Variants in GRM8 observed in about 807,000 individuals in gnomAD.
GRM8 encodes glutamate metabotropic receptor 8, also known as metabotropic glutamate receptor 8.
Under a neutral mutation model 87.2 loss-of-function variants are expected in GRM8, and 47 were observed. That is an observed-to-expected ratio of 0.54 (90% CI 0.43 to 0.69). The LOEUF is 0.69. Among genes scored for constraint, GRM8 ranks in the 30% least tolerant of loss-of-function variants. The pLI is 0.00. For missense variants in GRM8, 1,019 were observed against 1,139.2 expected (o/e 0.89, Z 1.52); for synonymous variants, 396 against 404.5 (o/e 0.98, Z 0.25).
intron 3 of GRM8, among the ~76,000 whole-genome samples, chr7:126,961,210 T>C (rs1029611941): frequency 2.6e-5 from 4 of 152,192 alleles, no homozygotes; most frequent in Non-Finnish European, 4.4e-5. Context: ...AGTGAAAGAT[T>C]TTCTGGTTCA....
intron 6 of GRM8, among the ~76,000 whole-genome samples, chr7:126,879,689 C>T (rs1460705104): frequency 2.0e-5 from 3 of 152,130 alleles, no homozygotes; most frequent in East Asian, 3.8e-4. Flanking sequence ...AGTTAAATAA[C>T]AGAAGAAAAA....
chr7:126,690,949 C>T (rs896278271), intron 7 of GRM8, among the ~76,000 whole-genome samples: 1 of 152,040 alleles, frequency 6.6e-6, no homozygotes, highest in Non-Finnish European at 1.5e-5. Context: ...GCTGATTGGT[C>T]CATGGGCAGC....
At chr7:127,202,210 C>CA (rs1795652336) in intron 2 of GRM8, among the ~76,000 whole-genome samples, 1 of 151,104 alleles carries the variant, frequency 6.6e-6, no homozygotes, top group Admixed American at 6.6e-5. Context: ...AAAAGGGTCT[C>CA]ACTCTGTCAC....
At chr7:126,777,233 G>A (rs1819577150) in intron 6 of GRM8, among the ~76,000 whole-genome samples, 1 of 152,154 alleles carries the variant, frequency 6.6e-6, no homozygotes, top group Non-Finnish European at 1.5e-5. Flanking sequence ...GGTCAGAGAA[G>A]TGAAAGGGAA....
intron 3 of GRM8, among the ~76,000 whole-genome samples, chr7:127,013,523 T>TGGGGGAG (rs1815100283): frequency 1.1e-4 from 2 of 17,576 alleles, no homozygotes; most frequent in South Asian, 1.8e-3. Context: ...CTGGTGGGGA[T>TGGGGGAG]GGGGGATGGG....
chr7:126,887,196 G>A (rs1164482086), intron 6 of GRM8, among the ~76,000 whole-genome samples: 1 of 152,102 alleles, frequency 6.6e-6, no homozygotes, highest in Non-Finnish European at 1.5e-5. Context: ...TCAGACATAG[G>A]AAAGGAAACG....
At chr7:127,113,597 T>C (rs757193348) in intron 2 of GRM8, among the ~76,000 whole-genome samples, 4 of 152,134 alleles carry the variant, frequency 2.6e-5, no homozygotes, top group Admixed American at 6.5e-5. Flanking sequence ...AATAACATCA[T>C]TGGTTTTTTC....
chr7:127,243,178 G>A lies in GRM8; in HGVS notation c.27C>T (p.Ala9=). 1 of 1,610,992 alleles carries A rather than the reference G, an allele frequency of 6.2e-7. No individual in the cohort carries two copies. The highest frequency in any genetic ancestry group is 8.5e-7 in the Non-Finnish European group (1 of 1,179,912). ...TCAAGAGGAAGAAACAAGGGCAAGAGGCTGATCGCTTTCCCTCGCATACCA... is the reference window on the plus strand; with the variant it reads ...TCAAGAGGAAGAAACAAGGGCAAGAAGCTGATCGCTTTCCCTCGCATACCA... MVCEGKRS[A]SCPCFFLLTA... Residue 9 remains alanine (A), a synonymous_variant, in exon 2 of 11, where the codon GCC becomes GCT. Transcript: ENST00000339582.
At chr7:127,156,147 G>A (rs999865055) in intron 2 of GRM8, among the ~76,000 whole-genome samples, 1 of 152,244 alleles carries the variant, frequency 6.6e-6, no homozygotes, top group Admixed American at 6.5e-5. Flanking sequence ...GTGGCAGCCA[G>A]TGTGGAGGAA....
intron 1 of GRM8, among the ~76,000 whole-genome samples, chr7:127,243,987 AG>A (rs1268496346): frequency 6.6e-6 from 1 of 152,118 alleles, no homozygotes; most frequent in Non-Finnish European, 1.5e-5. Context: ...ATTACCCAGT[AG>A]GAAAAAGTGA....
At chr7:126,665,771 A>C (rs1805692498) in intron 7 of GRM8, among the ~76,000 whole-genome samples, 1 of 151,834 alleles carries the variant, frequency 6.6e-6, no homozygotes, top group Non-Finnish European at 1.5e-5. Flanking sequence ...AAAATATAAT[A>C]TTAAATTATA....
chr7:126,905,137 T>C (rs1802548270), intron 3 of GRM8, among the ~76,000 whole-genome samples: 1 of 152,232 alleles, frequency 6.6e-6, no homozygotes, highest in South Asian at 2.1e-4. Context: ...TTAATTTCAT[T>C]GTATAGCTAA....
At chr7:126,669,788 A>C (rs1240562410) in intron 7 of GRM8, among the ~76,000 whole-genome samples, 1 of 152,244 alleles carries the variant, frequency 6.6e-6, no homozygotes, top group Non-Finnish European at 1.5e-5. Flanking sequence ...GGGGTATAAG[A>C]ACAGTAAAAT....
intron 2 of GRM8, among the ~76,000 whole-genome samples, chr7:127,160,218 C>CA (rs1300351013): frequency 1.3e-5 from 2 of 151,978 alleles, no homozygotes; most frequent in South Asian, 4.2e-4. Context: ...CCCCTCCTTG[C>CA]AAAAAAGGAG....
At chr7:127,176,694 A>C (rs1794125629) in intron 2 of GRM8, among the ~76,000 whole-genome samples, 1 of 152,242 alleles carries the variant, frequency 6.6e-6, no homozygotes, top group South Asian at 2.1e-4. Flanking sequence ...CTCTCCTCTC[A>C]CAGGGCTCCA....
chr7:127,111,462 G>A (rs1587051102), intron 2 of GRM8, among the ~76,000 whole-genome samples: 2 of 152,022 alleles, frequency 1.3e-5, no homozygotes, highest in East Asian at 3.9e-4. Flanking sequence ...GAAATGGTAA[G>A]TGAAGCTTCT....
At chr7:127,145,425 C>T (rs1401085175) in intron 2 of GRM8, among the ~76,000 whole-genome samples, 6 of 152,072 alleles carry the variant, frequency 3.9e-5, no homozygotes, top group Non-Finnish European at 8.8e-5. Context: ...GCACAGTATA[C>T]TAAAGTATTT....
At chr7:127,013,004 G>A (rs940564367) in intron 3 of GRM8, among the ~76,000 whole-genome samples, 1 of 152,156 alleles carries the variant, frequency 6.6e-6, no homozygotes, top group African/African-American at 2.4e-5. Flanking sequence ...TGGGGTCATT[G>A]AGGTCATTGC....
At chr7:126,968,321 G>A (rs948618492) in intron 3 of GRM8, among the ~76,000 whole-genome samples, 8 of 152,142 alleles carry the variant, frequency 5.3e-5, no homozygotes, top group Admixed American at 5.2e-4. Flanking sequence ...AGTCTTAACT[G>A]CAATGATTTC....
Sources: allele counts gnomAD v4.1 joint callset (sites outside exome capture counted in the v4.1 genomes callset), GRCh38; gene constraint gnomAD v4.1.1; transcripts MANE v1.5; gene names NCBI Gene and HGNC (gene_info 2026-07-23, HGNC 2026-07-21).